Variants in CDKL4 observed in about 807,000 individuals in gnomAD.
The protein encoded by CDKL4 is cyclin dependent kinase like 4, also known as cyclin-dependent kinase-like 4.
Under a neutral mutation model 42.0 loss-of-function variants are expected in CDKL4, and 44 were observed. The ratio of observed to expected loss-of-function variants is 1.05; its 90% CI spans 0.82 to 1.35. CDKL4 has a LOEUF of 1.35. Ranked by LOEUF, CDKL4 falls within the 40% of genes most tolerant of loss-of-function variation. The probability of loss-of-function intolerance (pLI) is 0.00; values close to 1 mark genes in which losing one functional copy is unlikely to be tolerated. For missense variants in CDKL4, 393 were observed against 369.9 expected, an observed-to-expected ratio of 1.06 and a Z score of -0.51; for synonymous variants, 120 against 121.6, an observed-to-expected ratio of 0.99 and a Z score of 0.09.
chr2:39,201,659 G>A (rs6761679), intron 5 of CDKL4, among the ~76,000 whole-genome samples: 1 of 151,946 alleles, frequency 6.6e-6, no homozygotes, highest in Admixed American at 6.5e-5. Context: ...CAAAATAATG[G>A]CATTTGCAGC....
At chr2:39,228,876 A>C (rs1354779079) in intron 2 of CDKL4, among the ~76,000 whole-genome samples, 2 of 152,210 alleles carry the variant, frequency 1.3e-5, no homozygotes, top group Non-Finnish European at 2.9e-5. Context: ...ATTATAACAA[A>C]AACCTTTATG....
At chr2:39,205,325 C>T (rs1490381425) in intron 4 of CDKL4, among the ~76,000 whole-genome samples, 2 of 152,120 alleles carry the variant, frequency 1.3e-5, no homozygotes, top group Admixed American at 6.5e-5. Flanking sequence ...ACTGCTGCCA[C>T]CCAAGAGTCA....
At chr2:39,197,562 A>T (rs1676592504) in intron 5 of CDKL4, among the ~76,000 whole-genome samples, 1 of 152,178 alleles carries the variant, frequency 6.6e-6, no homozygotes, top group South Asian at 2.1e-4. Flanking sequence ...ATCAAGACAA[A>T]GGAAAGAATA....
chr2:39,237,460 G>C (rs907549346), intron 1 of CDKL4, among the ~76,000 whole-genome samples: 2 of 152,100 alleles, frequency 1.3e-5, no homozygotes. Context: ...CCTAAGACTG[G>C]AAAAAAGATG....
Position 39,178,847 on chromosome 2 carries a change from G to T in CDKL4, c.927+340C>A, listed in dbSNP as rs543734455. 6.6e-6 allele frequency: 10 copies of T among 1,508,582 alleles called. No homozygotes were observed. In the Admixed American group the frequency reaches 1.8e-4, roughly 27 times the overall value. 93.4% of individuals were successfully genotyped at this position (1,508,582 alleles called of 1,614,324 possible). ...GCACTTGGATTCCTTTGCAATGCTG[G>T]CAAAACTCAGTCCTGTTGGAATCAG... On this transcript the variant is annotated intron_variant, in intron 9 of 9. Coordinates refer to ENST00000451199, the Ensembl canonical transcript of CDKL4.
At chr2:39,171,154 G>T (rs977856307), downstream of CDKL4, among the ~76,000 whole-genome samples, 1 of 151,592 alleles carries the variant, frequency 6.6e-6, no homozygotes, top group East Asian at 1.9e-4. Flanking sequence ...CAGGAGGATC[G>T]CTTGAACATG....
At chr2:39,203,256 T>C (rs1676964845) in intron 5 of CDKL4, among the ~76,000 whole-genome samples, 1 of 152,220 alleles carries the variant, frequency 6.6e-6, no homozygotes, top group Admixed American at 6.5e-5. Context: ...AAAATATTTA[T>C]ACGTTTGGAA....
At chr2:39,174,320 A>G (rs1273828028), downstream of CDKL4, among the ~76,000 whole-genome samples, 3 of 151,194 alleles carry the variant, frequency 2.0e-5, no homozygotes, top group Non-Finnish European at 4.4e-5. Context: ...GGATCACTTT[A>G]GCTGGGGAGG....
chr2:39,234,696 C>T (rs767072475), intron 1 of CDKL4, among the ~76,000 whole-genome samples: 12 of 152,118 alleles, frequency 7.9e-5, no homozygotes, highest in Non-Finnish European at 1.6e-4. Flanking sequence ...AGAGAATACT[C>T]TCTGAGCCTC....
At chr2:39,187,806 A>G in intron 6 of CDKL4, 97 bp from the exon 7 acceptor site, 6 of 757,222 alleles carry the variant, frequency 7.9e-6, no homozygotes, top group African/African-American at 3.5e-5. Context: ...GGTGGCTCAC[A>G]CCTGTAATTC....
At chr2:39,180,472 A>C (rs1195750278) in intron 8 of CDKL4, among the ~76,000 whole-genome samples, 1 of 152,114 alleles carries the variant, frequency 6.6e-6, no homozygotes. Context: ...AAGCAGTGTC[A>C]CCTGGCCCTT....
At chr2:39,196,664 G>C (rs773679723) in intron 5 of CDKL4, among the ~76,000 whole-genome samples, 5 of 152,122 alleles carry the variant, frequency 3.3e-5, no homozygotes, top group African/African-American at 4.8e-5. Context: ...CTGGAGTGCA[G>C]TGGTGTGATC....
In CDKL4 at chr2:39,190,343, G is replaced by C. The variant is rs773709357; in HGVS notation, c.614C>G (p.Ser205Ter). 6.2e-7 allele frequency: 1 copy of C among 1,614,162 alleles called. No individual in the cohort carries two copies. Among genetic ancestry groups the C allele is most frequent in the East Asian group, 2.2e-5 (1 of 44,884 alleles). The change falls in exon 6 of 10, where the codon TCA becomes TGA. Residue 205 changes from serine to a stop codon, truncating the protein, a stop_gained. Transcript: ENST00000451199. LOFTEE classifies it high-confidence loss of function. Reference sequence around the variant, plus strand: ...TATCAGATAAAGTTGGTCCACATCTGATTTTCCAGGCCACAGTGGCTGGCC... The same window carrying C: ...TATCAGATAAAGTTGGTCCACATCTCATTTTCCAGGCCACAGTGGCTGGCC...
exon 2 of CDKL4, chr2:39,229,496 C>G: frequency 6.2e-7 from 1 of 1,608,164 alleles, no homozygotes; most frequent in Non-Finnish European, 8.5e-7. Flanking sequence ...CCATAAGACC[C>G]TTCTCCAGTC....
At chr2:39,229,563 G>T (rs200791245) in exon 2 of CDKL4, 1 of 1,557,772 alleles carries the variant, frequency 6.4e-7, no homozygotes, top group Non-Finnish European at 8.7e-7. Flanking sequence ...TTATTGTATC[G>T]ATTGACTTGC....
intron 1 of CDKL4, among the ~76,000 whole-genome samples, chr2:39,233,589 G>C (rs1679192841): frequency 6.6e-6 from 1 of 152,014 alleles, no homozygotes; most frequent in South Asian, 2.1e-4. Flanking sequence ...CACTCTCTTG[G>C]CCTAGGATGA....
intron 4 of CDKL4, among the ~76,000 whole-genome samples, chr2:39,208,127 T>C (rs769247818): frequency 7.9e-5 from 12 of 151,634 alleles, no homozygotes; most frequent in Non-Finnish European, 1.5e-4. Flanking sequence ...ATAAAAATTT[T>C]TAAAAAATTA....
chr2:39,209,976 G>A (rs995933296), intron 4 of CDKL4, among the ~76,000 whole-genome samples: 3 of 152,104 alleles, frequency 2.0e-5, no homozygotes, highest in Non-Finnish European at 4.4e-5. Context: ...CTTGGAGGAG[G>A]GAAGTTAGTC....
chr2:39,189,576 A>G (rs1469499407), intron 6 of CDKL4, among the ~76,000 whole-genome samples: 1 of 152,084 alleles, frequency 6.6e-6, no homozygotes, highest in Non-Finnish European at 1.5e-5. Context: ...GTAAAATCAG[A>G]CTCTTAGGAT....
Sources: allele counts gnomAD v4.1 joint callset (sites outside exome capture counted in the v4.1 genomes callset), GRCh38; gene constraint gnomAD v4.1.1; transcripts MANE v1.5; gene names NCBI Gene and HGNC (gene_info 2026-07-23, HGNC 2026-07-21).